Variants in RIC3 observed in about 807,000 individuals in gnomAD.
The protein encoded by RIC3 is protein RIC-3.
In RIC3, 28 loss-of-function variants were observed where a neutral mutation model predicts 27.3. The ratio of observed to expected loss-of-function variants is 1.02; its 90% CI spans 0.76 to 1.41. RIC3 has a LOEUF of 1.41. RIC3 is among the 40% of genes most tolerant of loss of function. The pLI is 0.00. For synonymous variants in RIC3, 184 were observed against 160.4 expected, an observed-to-expected ratio of 1.15 and a Z score of -1.11; for missense variants, 501 against 444.7, an observed-to-expected ratio of 1.13 and a Z score of -1.14.
At position 8,140,082 on chromosome 11, in the gene RIC3, G is replaced by A; in HGVS notation, c.236C>T (p.Ala79Val). Residue 79 changes from alanine to valine, a missense_variant, in exon 2 of 6, where the codon GCC (alanine) becomes GTC (valine). Physicochemically the swap from Ala to Val is moderately conservative, Grantham distance 64. Transcript: ENST00000309737. ...RSHLAEAFAK[A>V]KGSGGGAGGG... The stretch of plus-strand genomic sequence containing the variant: ...TCCAGCACCTCCACCTGATCCTTTG[G>A]CCTTTGCAAATGCCTCGGCAAGGTG... 1.2e-6 allele frequency: 2 copies of A among 1,613,964 alleles called. No individual in the cohort carries two copies. Among genetic ancestry groups the A allele is most frequent in the South Asian group, 2.2e-5 (2 of 91,054 alleles).
intron 1 of RIC3, among the ~76,000 whole-genome samples, chr11:8,151,859 T>C (rs1950267816): frequency 1.3e-5 from 2 of 148,562 alleles, no homozygotes; most frequent in South Asian, 4.2e-4. Context: ...AAGGTTGCGA[T>C]GAGCAGAGAT....
In RIC3 at chr11:8,137,394, C is replaced by T. The variant is rs751856522; in HGVS notation, c.505G>A (p.Gly169Arg). The change falls in exon 4 of 6, where the codon GGA (glycine) becomes AGA (arginine). Residue 169 changes from glycine (G) to arginine (R), a missense_variant. Gly to Arg is a moderately radical substitution (Grantham distance 125). Coordinates refer to ENST00000309737, the MANE Select transcript of RIC3 (RefSeq NM_001206671.4). Reference sequence around the variant, plus strand: ...AAAACCTACCTCTCACCATTAGGTCCCACTCTGTTGATTAATTTTTCCATG... The same window carrying T: ...AAAACCTACCTCTCACCATTAGGTCTCACTCTGTTGATTAATTTTTCCATG... ...AAMEKLINRV[G>R]PNGESRAQTV... The T allele has an allele frequency of 6.2e-7, 1 of 1,613,874 alleles. No homozygotes were observed. The highest frequency in any genetic ancestry group is 1.1e-5 in the South Asian group (1 of 91,074).
chr11:8,098,996 C>G, the RIC3 span: 1 of 767,830 alleles, frequency 1.3e-6, no homozygotes, highest in Admixed American at 2.0e-5. Context: ...TGGAGAGGGG[C>G]TGTCCTCTGT....
At chr11:8,117,317 G>A (rs1307035210) in intron 5 of RIC3, among the ~76,000 whole-genome samples, 1 of 152,120 alleles carries the variant, frequency 6.6e-6, no homozygotes, top group African/African-American at 2.4e-5. Flanking sequence ...CACCTGCCTC[G>A]GCCTCCCAAA....
rs969899898 is a variant in RIC3, at chr11:8,121,526, G to A, written c.670+5133C>T. On this transcript the variant is annotated intron_variant, in intron 5 of 5. Coordinates refer to ENST00000309737, the MANE Select transcript of RIC3 (RefSeq NM_001206671.4). ...AGGCCAGGAGTTCAAGACCAGCCTG[G>A]TCAACATGGCAAAACCGTGTCTCTA... Among the ~76,000 whole-genome samples, 13 of 152,134 alleles carry A rather than the reference G, an allele frequency of 8.5e-5. No homozygotes were observed. In the East Asian group the frequency reaches 1.4e-3, roughly 16 times the overall value.
chr11:8,168,210 G>C (rs933452862), intron 1 of RIC3, among the ~76,000 whole-genome samples: 10 of 152,122 alleles, frequency 6.6e-5, no homozygotes, highest in African/African-American at 9.7e-5. Flanking sequence ...GCAGCTAAGA[G>C]GATGAATTTT....
chr11:8,152,464 T>A (rs771509303), intron 1 of RIC3, among the ~76,000 whole-genome samples: 2 of 152,202 alleles, frequency 1.3e-5, no homozygotes, highest in Non-Finnish European at 2.9e-5. Context: ...CAGCCAGTCA[T>A]GGAAAACCAC....
At chr11:8,139,373 G>C (rs780848872) in intron 2 of RIC3, 1 of 153,856 alleles carries the variant, frequency 6.5e-6, no homozygotes, top group Non-Finnish European at 1.4e-5. Flanking sequence ...CTCAACTGGG[G>C]GTCTGCTTTA....
chr11:8,098,274 T>C, the RIC3 span, among the ~76,000 whole-genome samples: 1 of 150,934 alleles, frequency 6.6e-6, no homozygotes, highest in East Asian at 1.9e-4. Context: ...AGTGGGGAGG[T>C]AGGGTTTGCT....
intron 1 of RIC3, among the ~76,000 whole-genome samples, chr11:8,167,193 C>A (rs1951770949): frequency 6.6e-6 from 1 of 152,024 alleles, no homozygotes; most frequent in African/African-American, 2.4e-5. Flanking sequence ...ACTGAAGAAA[C>A]AGTGGTAAAC....
At chr11:8,140,427 T>G (rs1007606732) in intron 1 of RIC3, among the ~76,000 whole-genome samples, 14 of 152,182 alleles carry the variant, frequency 9.2e-5, no homozygotes, top group African/African-American at 3.4e-4. Context: ...TGGACCACAT[T>G]TTTCAGACTC....
the RIC3 span, among the ~76,000 whole-genome samples, chr11:8,100,285 C>T: frequency 2.0e-4 from 31 of 152,210 alleles, no homozygotes; most frequent in South Asian, 1.0e-3. Flanking sequence ...ACAGCATTGC[C>T]GTGAGCAGAA....
chr11:8,097,444 T>G, the RIC3 span: 1 of 1,614,178 alleles, frequency 6.2e-7, no homozygotes, highest in Non-Finnish European at 8.5e-7. Context: ...GGTCTGGGCA[T>G]GTTATCATCT....
At chr11:8,099,447 C>A in the RIC3 span, among the ~76,000 whole-genome samples, 1 of 152,134 alleles carries the variant, frequency 6.6e-6, no homozygotes, top group Non-Finnish European at 1.5e-5. Context: ...TTCTTGGAGG[C>A]CATCAGTAAG....
chr11:8,135,048 A>C (rs1948221545), intron 4 of RIC3, among the ~76,000 whole-genome samples: 1 of 152,172 alleles, frequency 6.6e-6, no homozygotes. Flanking sequence ...TTGGTGTCTT[A>C]GACATGAAGT....
chr11:8,103,360 A>G (rs1351918811), downstream of RIC3: 1 of 152,222 alleles, frequency 6.6e-6, no homozygotes, highest in Non-Finnish European at 1.5e-5. Flanking sequence ...ACCTTGCTTT[A>G]GAGTAGATGT....
downstream of RIC3, chr11:8,101,509 G>C (rs1342591121): frequency 6.2e-7 from 1 of 1,614,112 alleles, no homozygotes; most frequent in African/African-American, 1.3e-5. Flanking sequence ...GATGCAGTTT[G>C]GCCGGGTAGC....
chr11:8,145,933 T>C (rs559199059), intron 1 of RIC3, among the ~76,000 whole-genome samples: 1 of 152,344 alleles, frequency 6.6e-6, no homozygotes, highest in Admixed American at 6.5e-5. Flanking sequence ...TCATGCACTG[T>C]GGGTAAGTGA....
chr11:8,133,017 G>C (rs1453523767), intron 4 of RIC3, among the ~76,000 whole-genome samples: 4 of 152,144 alleles, frequency 2.6e-5, no homozygotes, highest in Admixed American at 1.3e-4. Context: ...AATTGACATT[G>C]CAACAGTATT....
Sources: allele counts gnomAD v4.1 joint callset (sites outside exome capture counted in the v4.1 genomes callset), GRCh38; gene constraint gnomAD v4.1.1; transcripts MANE v1.5; gene names NCBI Gene and HGNC (gene_info 2026-07-23, HGNC 2026-07-21).